Variants in LRRC37A2 observed in about 807,000 individuals in gnomAD.
LRRC37A2 encodes leucine-rich repeat-containing protein 37A2.
Under a neutral mutation model 68.8 loss-of-function variants are expected in LRRC37A2, and 9 were observed. The observed-to-expected ratio is 0.13, with a 90% CI of 0.08 to 0.23. The LOEUF (loss-of-function observed/expected upper bound fraction) is 0.23, where lower values mean the gene tolerates loss of function less well. Ranked by LOEUF, LRRC37A2 falls within the 10% of genes least tolerant of loss-of-function variation. LRRC37A2 has a pLI of 1.00. For missense variants in LRRC37A2, 168 were observed against 950.4 expected (o/e 0.18, Z 10.82); for synonymous variants, 63 against 367.6 (o/e 0.17, Z 9.48).
At chr17:46,723,604 A>G in the LRRC37A2 span, among the ~76,000 whole-genome samples, 1 of 152,186 alleles carries the variant, frequency 6.6e-6, no homozygotes, top group Non-Finnish European at 1.5e-5. Context: ...AAATGTACTC[A>G]TGATCCATTT....
chr17:46,823,059 AT>A, the LRRC37A2 span, among the ~76,000 whole-genome samples: 6 of 140,228 alleles, frequency 4.3e-5, no homozygotes, highest in African/African-American at 1.3e-4. Context: ...ATAAATATGT[AT>A]TTATAATAAA....
At chr17:46,742,417 T>C in the LRRC37A2 span, among the ~76,000 whole-genome samples, 5 of 152,230 alleles carry the variant, frequency 3.3e-5, no homozygotes, top group Admixed American at 3.3e-4. Flanking sequence ...TTGTACTTTG[T>C]ACAAGGCAGT....
the LRRC37A2 span, chr17:46,934,930 C>T: frequency 1.1e-4 from 115 of 1,043,462 alleles, 3 homozygotes; most frequent in South Asian, 1.1e-3. Flanking sequence ...CCAGCCCCTC[C>T]GGCTGTTCTG....
At chr17:46,968,008 T>G in the LRRC37A2 span, among the ~76,000 whole-genome samples, 1 of 152,002 alleles carries the variant, frequency 6.6e-6, no homozygotes, top group Admixed American at 6.6e-5. Context: ...AAGATGACAG[T>G]GGTGATGCTC....
the LRRC37A2 span, among the ~76,000 whole-genome samples, chr17:46,842,442 A>G: frequency 1.6e-4 from 25 of 152,208 alleles, no homozygotes; most frequent in African/African-American, 5.8e-4. Context: ...TGGCGCGATC[A>G]CGGCTCACTG....
chr17:46,492,554 T>C, the LRRC37A2 span, among the ~76,000 whole-genome samples: 5 of 150,394 alleles, frequency 3.3e-5, no homozygotes, highest in Admixed American at 2.6e-4. Context: ...ATTTCTGGGT[T>C]GTATGTTTAT....
chr17:46,980,905 C>T, the LRRC37A2 span, among the ~76,000 whole-genome samples: 1 of 151,818 alleles, frequency 6.6e-6, no homozygotes, highest in African/African-American at 2.4e-5. Flanking sequence ...AATTGCTTTC[C>T]AGAAATATAC....
chr17:46,928,343 T>G, the LRRC37A2 span, among the ~76,000 whole-genome samples: 43 of 152,120 alleles, frequency 2.8e-4, no homozygotes, highest in Admixed American at 2.5e-3. Context: ...GGGTCCTGGT[T>G]TGCATTGCTC....
At chr17:46,752,393 C>T in the LRRC37A2 span, among the ~76,000 whole-genome samples, 1 of 152,146 alleles carries the variant, frequency 6.6e-6, no homozygotes, top group Non-Finnish European at 1.5e-5. Flanking sequence ...TTGGCTCTTA[C>T]TATTGAGTCC....
At chr17:46,885,007 A>G in the LRRC37A2 span, 6 of 428,260 alleles carry the variant, frequency 1.4e-5, no homozygotes, top group South Asian at 1.0e-4. Context: ...TTTTTTTTTT[A>G]GACGAAGTCT....
At chr17:46,792,221 A>C in the LRRC37A2 span, among the ~76,000 whole-genome samples, 1 of 152,234 alleles carries the variant, frequency 6.6e-6, no homozygotes, top group Non-Finnish European at 1.5e-5. Flanking sequence ...GAGAAGGCTC[A>C]AATCACCATG....
chr17:46,993,461 A>G, the LRRC37A2 span, among the ~76,000 whole-genome samples: 2 of 152,242 alleles, frequency 1.3e-5, no homozygotes, highest in Non-Finnish European at 2.9e-5. Context: ...AAAGTTGCTT[A>G]TTTCTCCATA....
At chr17:46,534,105 C>A (rs1316479835) in intron 6 of LRRC37A2, among the ~76,000 whole-genome samples, 4 of 143,152 alleles carry the variant, frequency 2.8e-5, no homozygotes, top group African/African-American at 1.1e-4. Flanking sequence ...CCTCCACCTC[C>A]CAGGCTTAAG....
the LRRC37A2 span, among the ~76,000 whole-genome samples, chr17:46,487,900 A>T: frequency 2.9e-5 from 3 of 103,392 alleles, no homozygotes; most frequent in Non-Finnish European, 6.4e-5. Context: ...TTTATGACAC[A>T]CTGTTATTAG....
At chr17:46,855,755 A>G in the LRRC37A2 span, among the ~76,000 whole-genome samples, 2 of 152,106 alleles carry the variant, frequency 1.3e-5, no homozygotes, top group Non-Finnish European at 2.9e-5. Context: ...CTAGAGTGCA[A>G]TGGTGTGATC....
At chr17:46,755,907 T>C in the LRRC37A2 span, 1 of 1,373,076 alleles carries the variant, frequency 7.3e-7, no homozygotes, top group Non-Finnish European at 1.0e-6. Context: ...TTACTCAAGA[T>C]ACTGGACTAA....
At chr17:46,860,830 T>C in the LRRC37A2 span, among the ~76,000 whole-genome samples, 2 of 152,206 alleles carry the variant, frequency 1.3e-5, no homozygotes, top group African/African-American at 4.8e-5. Context: ...TAGGTGCTGA[T>C]ATAATTCTCA....
the LRRC37A2 span, among the ~76,000 whole-genome samples, chr17:46,790,860 C>T: frequency 2.6e-5 from 4 of 152,220 alleles, no homozygotes; most frequent in South Asian, 2.1e-4. Context: ...CCAAAACACA[C>T]GCTCACGTAC....
chr17:46,974,748 A>AAGG, the LRRC37A2 span, among the ~76,000 whole-genome samples: 61,275 of 147,050 alleles, frequency 0.42, 13,672 homozygotes, highest in East Asian at 0.54. Flanking sequence ...AAAAAAAAAA[A>AAGG]AGGTCATCTC....
Sources: allele counts gnomAD v4.1 joint callset (sites outside exome capture counted in the v4.1 genomes callset), GRCh38; gene constraint gnomAD v4.1.1; transcripts MANE v1.5; gene names NCBI Gene and HGNC (gene_info 2026-07-23, HGNC 2026-07-21).